Variants in PARD3 observed in about 807,000 individuals in gnomAD.
PARD3 encodes par-3 family cell polarity regulator, also known as partitioning defective 3 homolog.
In PARD3, 75 loss-of-function variants were observed where a neutral mutation model predicts 155.4. That is an observed-to-expected ratio of 0.48 (90% CI 0.40 to 0.58). The LOEUF (loss-of-function observed/expected upper bound fraction) is 0.58, where lower values mean the gene tolerates loss of function less well. Ranked by LOEUF, PARD3 falls within the 20% of genes least tolerant of loss-of-function variation. The probability of loss-of-function intolerance (pLI) is 0.00; values close to 1 mark genes in which losing one functional copy is unlikely to be tolerated. For synonymous variants in PARD3, 576 were observed against 610.5 expected, an observed-to-expected ratio of 0.94 and a Z score of 0.83; for missense variants, 1,642 against 1,721.7, an observed-to-expected ratio of 0.95 and a Z score of 0.82.
chr10:34,655,931 T>A (rs1424707411), intron 2 of PARD3, among the ~76,000 whole-genome samples: 1 of 152,204 alleles, frequency 6.6e-6, no homozygotes, highest in East Asian at 1.9e-4. Flanking sequence ...GATTTCTGAT[T>A]TTTAAATTCA....
At chr10:34,763,878 T>A (rs2134036733) in intron 1 of PARD3, among the ~76,000 whole-genome samples, 1 of 152,318 alleles carries the variant, frequency 6.6e-6, no homozygotes, top group South Asian at 2.1e-4. Context: ...GCACTTTCTT[T>A]TCAGAATTGA....
chr10:34,566,441 C>A (rs1290169782), intron 2 of PARD3, among the ~76,000 whole-genome samples: 1 of 152,026 alleles, frequency 6.6e-6, no homozygotes, highest in Non-Finnish European at 1.5e-5. Flanking sequence ...GCAAAGATAC[C>A]CTGGGGGAAG....
At chr10:34,290,344 A>G (rs957048792) in intron 20 of PARD3, among the ~76,000 whole-genome samples, 3 of 152,244 alleles carry the variant, frequency 2.0e-5, no homozygotes, top group Non-Finnish European at 4.4e-5. Context: ...AGTCTTTAAA[A>G]TAAGTTTTTC....
chr10:34,814,567 A>T (rs1029580399), intron 1 of PARD3, among the ~76,000 whole-genome samples: 17 of 151,448 alleles, frequency 1.1e-4, no homozygotes, highest in African/African-American at 4.1e-4. Context: ...GACTCCGGGG[A>T]GGCGCCCAGG....
intron 1 of PARD3, among the ~76,000 whole-genome samples, chr10:34,779,426 C>T (rs1268891063): frequency 2.6e-5 from 4 of 151,880 alleles, no homozygotes; most frequent in Admixed American, 6.6e-5. Context: ...CTGGCTAACA[C>T]GGTGAAACCC....
intron 22 of PARD3, among the ~76,000 whole-genome samples, chr10:34,144,231 G>GCA (rs1564428709): frequency 6.6e-6 from 1 of 151,968 alleles, no homozygotes; most frequent in Non-Finnish European, 1.5e-5. Context: ...CATGTGCATA[G>GCA]TTTATATTTT....
At chr10:34,412,413 G>A (rs1290620071) in intron 5 of PARD3, among the ~76,000 whole-genome samples, 1 of 151,984 alleles carries the variant, frequency 6.6e-6, no homozygotes, top group Admixed American at 6.6e-5. Flanking sequence ...CTTTAATAAG[G>A]ACCCACACTT....
intron 15 of PARD3, chr10:34,343,660 C>T: frequency 2.0e-6 from 2 of 985,234 alleles, no homozygotes; most frequent in Non-Finnish European, 2.4e-6. Flanking sequence ...TTTACATATT[C>T]TACTAAGCTG....
chr10:34,569,601 T>C (rs956452452), intron 2 of PARD3, among the ~76,000 whole-genome samples: 3 of 152,002 alleles, frequency 2.0e-5, no homozygotes, highest in African/African-American at 7.3e-5. Context: ...GTATTTTTAG[T>C]AGAGACGGGG....
intron 22 of PARD3, among the ~76,000 whole-genome samples, chr10:34,265,687 C>T (rs959167627): frequency 1.6e-4 from 24 of 152,166 alleles, no homozygotes; most frequent in African/African-American, 5.3e-4. Flanking sequence ...TTTTCAAAAA[C>T]GTTAGTATAA....
intron 1 of PARD3, among the ~76,000 whole-genome samples, chr10:34,713,857 T>C (rs2094480889): frequency 6.6e-6 from 1 of 152,138 alleles, no homozygotes; most frequent in Non-Finnish European, 1.5e-5. Flanking sequence ...GCCTCTCCTC[T>C]GGAGAGGTTA....
intron 3 of PARD3, among the ~76,000 whole-genome samples, chr10:34,511,729 ATTTC>A (rs776576684): frequency 7.9e-5 from 12 of 152,026 alleles, no homozygotes; most frequent in Admixed American, 6.5e-5. Context: ...CACAGAATAG[ATTTC>A]TTTTTTTCTT....
intron 22 of PARD3, among the ~76,000 whole-genome samples, chr10:34,154,583 T>G (rs985803913): frequency 5.9e-5 from 9 of 152,214 alleles, no homozygotes; most frequent in African/African-American, 1.9e-4. Context: ...TTCCAATTGC[T>G]GAATATCTAG....
At chr10:34,733,019 T>C (rs1299018029) in intron 1 of PARD3, among the ~76,000 whole-genome samples, 1 of 152,138 alleles carries the variant, frequency 6.6e-6, no homozygotes, top group Non-Finnish European at 1.5e-5. Context: ...CACCCTCTCT[T>C]TGAACTCCCT....
At chr10:34,635,658 G>A (rs554177172) in intron 2 of PARD3, among the ~76,000 whole-genome samples, 4 of 152,166 alleles carry the variant, frequency 2.6e-5, no homozygotes, top group Admixed American at 6.5e-5. Context: ...GAAAACACTC[G>A]ATGAGATACT....
intron 1 of PARD3, among the ~76,000 whole-genome samples, chr10:34,696,636 T>A (rs1405828603): frequency 6.6e-6 from 1 of 151,432 alleles, no homozygotes; most frequent in Non-Finnish European, 1.5e-5. Context: ...TCCCTTTGGC[T>A]CTGATGCTGA....
At chr10:34,664,879 G>A (rs1278172965) in intron 2 of PARD3, among the ~76,000 whole-genome samples, 1 of 152,132 alleles carries the variant, frequency 6.6e-6, no homozygotes, top group Non-Finnish European at 1.5e-5. Context: ...GTCTTAGCAT[G>A]TAGAATGTTG....
At chr10:34,805,894 G>A (rs139564575) in intron 1 of PARD3, among the ~76,000 whole-genome samples, 81 of 151,862 alleles carry the variant, frequency 5.3e-4, no homozygotes, top group African/African-American at 1.4e-3. Context: ...GGAGAATGGC[G>A]TGAACCTAGG....
chr10:34,579,635 C>T (rs2087248846), intron 2 of PARD3, among the ~76,000 whole-genome samples: 3 of 150,408 alleles, frequency 2.0e-5, no homozygotes, highest in Non-Finnish European at 2.9e-5. Context: ...GGCTGGAGTG[C>T]AGTGGCATGA....
Sources: allele counts gnomAD v4.1 joint callset (sites outside exome capture counted in the v4.1 genomes callset), GRCh38; gene constraint gnomAD v4.1.1; transcripts MANE v1.5; gene names NCBI Gene and HGNC (gene_info 2026-07-23, HGNC 2026-07-21).